The following TBC1D5 variants were observed in gnomAD, a reference collection of about 807,000 sequenced individuals.
The protein encoded by TBC1D5 is TBC1 domain family member 5, also known as TBC1 domain family, member 5.
TBC1D5 carries 75 observed loss-of-function variants against 100.3 expected under a neutral mutation model. The ratio of observed to expected loss-of-function variants is 0.75; its 90% CI spans 0.62 to 0.91. TBC1D5 has a LOEUF of 0.91. Ranked by LOEUF, TBC1D5 falls within the 40% of genes least tolerant of loss-of-function variation. The pLI is 0.00. For missense variants in TBC1D5, 910 were observed against 942.4 expected (o/e 0.97, Z 0.45); for synonymous variants, 323 against 325.6 (o/e 0.99, Z 0.09).
chr3:17,291,333 G>T (rs1477762635), intron 15 of TBC1D5, among the ~76,000 whole-genome samples: 1 of 152,152 alleles, frequency 6.6e-6, no homozygotes, highest in Middle Eastern at 3.2e-3. Flanking sequence ...GAAAATTTTG[G>T]TGAATTGCTT....
intron 18 of TBC1D5, among the ~76,000 whole-genome samples, chr3:17,206,366 T>C (rs2072184670): frequency 1.3e-5 from 2 of 152,336 alleles, no homozygotes; most frequent in South Asian, 4.1e-4. Context: ...TTCATTAGGA[T>C]TGCTCTCTTA....
intron 1 of TBC1D5, among the ~76,000 whole-genome samples, chr3:17,724,019 T>C (rs1287670788): frequency 1.3e-5 from 2 of 152,142 alleles, no homozygotes; most frequent in African/African-American, 4.8e-5. Flanking sequence ...TATTTCACTA[T>C]TTTACCCTTA....
intron 16 of TBC1D5, among the ~76,000 whole-genome samples, chr3:17,252,387 A>G (rs2077252269): frequency 1.3e-5 from 2 of 152,196 alleles, no homozygotes; most frequent in African/African-American, 2.4e-5. Flanking sequence ...GCCCCGACAG[A>G]GCCTAAATAA....
At chr3:17,195,625 C>G (rs1160279521) in intron 18 of TBC1D5, among the ~76,000 whole-genome samples, 1 of 152,208 alleles carries the variant, frequency 6.6e-6, no homozygotes, top group Non-Finnish European at 1.5e-5. Context: ...CTATAATGTC[C>G]CAATAGAGAC....
At chr3:17,256,927 A>G (rs2077751833) in intron 16 of TBC1D5, among the ~76,000 whole-genome samples, 1 of 152,154 alleles carries the variant, frequency 6.6e-6, no homozygotes, top group Admixed American at 6.6e-5. Context: ...GTGCTCTAGC[A>G]GGAGGGAGGA....
At chr3:17,607,460 T>TCTAA (rs1457386799) in intron 2 of TBC1D5, among the ~76,000 whole-genome samples, 3 of 151,966 alleles carry the variant, frequency 2.0e-5, no homozygotes, top group Non-Finnish European at 4.4e-5. Context: ...TACACCTGGA[T>TCTAA]CTAACTATAA....
At chr3:17,295,073 T>C (rs1404256847) in intron 14 of TBC1D5, among the ~76,000 whole-genome samples, 10 of 152,184 alleles carry the variant, frequency 6.6e-5, no homozygotes, top group Non-Finnish European at 7.4e-5. Flanking sequence ...TAAGAAAAAT[T>C]ATTGAGTTTT....
At chr3:17,507,452 T>C (rs771665939) in intron 3 of TBC1D5, among the ~76,000 whole-genome samples, 18 of 152,150 alleles carry the variant, frequency 1.2e-4, no homozygotes, top group Non-Finnish European at 2.5e-4. Context: ...GTATTAAAGA[T>C]GCACAAAAAG....
rs1308763979 is a variant in TBC1D5 at position 17,258,540 on chromosome 3, T to A, written c.1297A>T (p.Lys433Ter). 6.2e-7 allele frequency: 1 copy of A among 1,612,960 alleles called. No homozygotes were observed. Among genetic ancestry groups the A allele is most frequent in the Non-Finnish European group, 8.5e-7 (1 of 1,179,374 alleles). Residue 433 changes from lysine to a stop codon, truncating the protein, a stop_gained, in exon 16 of 22, where the codon AAA (lysine) becomes TAA (stop). Coordinates refer to ENST00000253692, the Ensembl canonical transcript of TBC1D5. LOFTEE classifies it high-confidence loss of function. The stretch of plus-strand genomic sequence containing the variant: ...TTCATGAGGTCTGCTCCTCGTGCTT[T>A]GTAATAATCTAAATTTGGATGGAAT...
chr3:17,477,096 AAC>A (rs777843757), intron 3 of TBC1D5, among the ~76,000 whole-genome samples: 2 of 151,924 alleles, frequency 1.3e-5, no homozygotes, highest in Non-Finnish European at 1.5e-5. Flanking sequence ...ACAGTTTGTT[AAC>A]AGTTATTTTA....
chr3:17,255,774 C>T (rs2077588791), intron 16 of TBC1D5, among the ~76,000 whole-genome samples: 1 of 152,106 alleles, frequency 6.6e-6, no homozygotes, highest in African/African-American at 2.4e-5. Flanking sequence ...CGCAGTGGCT[C>T]ACGCCTGCAA....
intron 2 of TBC1D5, among the ~76,000 whole-genome samples, chr3:17,546,780 T>C (rs1329191313): frequency 7.4e-6 from 1 of 135,014 alleles, no homozygotes; most frequent in Admixed American, 7.8e-5. Context: ...CGAGACTCCA[T>C]CTCAAAAAAA....
chr3:17,278,340 T>C (rs1253388982), intron 15 of TBC1D5, among the ~76,000 whole-genome samples: 1 of 152,188 alleles, frequency 6.6e-6, no homozygotes, highest in East Asian at 1.9e-4. Context: ...TCAACCTCTT[T>C]GATTATTCCT....
chr3:17,633,956 T>C (rs942331640), intron 1 of TBC1D5, among the ~76,000 whole-genome samples: 6 of 152,092 alleles, frequency 3.9e-5, no homozygotes, highest in Non-Finnish European at 8.8e-5. Context: ...AAAATATGAA[T>C]ATGAAAAGGT....
chr3:17,624,176 C>A (rs759571545), intron 1 of TBC1D5, among the ~76,000 whole-genome samples: 4 of 152,114 alleles, frequency 2.6e-5, no homozygotes, highest in African/African-American at 9.7e-5. Context: ...AAATTACACA[C>A]GACATATTAC....
chr3:17,674,757 C>T (rs1288503056), intron 1 of TBC1D5, among the ~76,000 whole-genome samples: 1 of 151,840 alleles, frequency 6.6e-6, no homozygotes, highest in Non-Finnish European at 1.5e-5. Context: ...ATAGAAAGTA[C>T]AGTAAACAAT....
chr3:17,680,852 T>C (rs893078203), intron 1 of TBC1D5, among the ~76,000 whole-genome samples: 1 of 151,410 alleles, frequency 6.6e-6, no homozygotes, highest in Non-Finnish European at 1.5e-5. Flanking sequence ...CTAAATTTAA[T>C]AAGGATCTAT....
At chr3:17,399,482 T>G (rs547347554) in intron 8 of TBC1D5, among the ~76,000 whole-genome samples, 11 of 152,088 alleles carry the variant, frequency 7.2e-5, no homozygotes, top group Non-Finnish European at 4.4e-5. Context: ...CCCCAACCCA[T>G]CTACCTACTC....
rs186170283 is a variant in TBC1D5, at chr3:17,217,367, T to C, written c.1589-2997A>G. Among the ~76,000 whole-genome samples, 41 of 152,118 alleles carry C rather than the reference T, an allele frequency of 2.7e-4. No individual in the cohort carries two copies. In the East Asian group the frequency reaches 6.7e-3, roughly 25 times the overall value. ...TTTAAGTTTTTATGTGGACATATTG[T>C]TTCCCTTTGTCTCACGTAGATATCT... On this transcript the variant is annotated intron_variant, in intron 17 of 21. Coordinates refer to ENST00000253692, the Ensembl canonical transcript of TBC1D5.
Sources: gnomAD v4.1 joint callset for allele counts (sites outside exome capture counted in the v4.1 genomes callset) on GRCh38, gnomAD v4.1.1 for gene constraint, MANE v1.5 for transcripts, NCBI Gene and HGNC (gene_info 2026-07-23, HGNC 2026-07-21) for gene names.